The following AKAP9 variants were observed in gnomAD, a reference collection of about 807,000 sequenced individuals.
The protein encoded by AKAP9 is A-kinase anchor protein 9.
AKAP9 carries 311 observed loss-of-function variants against 488.5 expected under a neutral mutation model. The observed-to-expected ratio is 0.64, with a 90% confidence interval of 0.58 to 0.70. The LOEUF (loss-of-function observed/expected upper bound fraction) is 0.70, where lower values mean the gene tolerates loss of function less well. AKAP9 is among the 30% of genes least tolerant of loss of function. AKAP9 has a pLI of 0.00. For synonymous variants in AKAP9, 1,462 were observed against 1,483.5 expected (o/e 0.99, Z 0.33); for missense variants, 4,215 against 4,374.5 (o/e 0.96, Z 1.03).
At chr7:92,051,402 A>C (rs975298565) in intron 21 of AKAP9, among the ~76,000 whole-genome samples, 3 of 152,216 alleles carry the variant, frequency 2.0e-5, no homozygotes, top group Non-Finnish European at 2.9e-5. Flanking sequence ...TAATATAAAT[A>C]AGTACCAGTG....
intron 28 of AKAP9, among the ~76,000 whole-genome samples, chr7:92,075,090 TAAAAAAA>T (rs113217081): frequency 2.7e-5 from 4 of 150,764 alleles, no homozygotes; most frequent in Admixed American, 2.6e-4. Flanking sequence ...AGTCAAAAAT[TAAAAAAA>T]AAATAAAACA....
rs117942195 is a variant in AKAP9, at chr7:92,098,543, C to T, written c.10713+329C>T. ...ACTCCTACAGTGTCTAAACAATTGA[C>T]TAGTCTGGTGAATCTTTTCAGTTTA... On this transcript the variant is annotated intron_variant, in intron 43 of 49. Transcript: ENST00000356239. Among the ~76,000 whole-genome samples, 240 of 152,318 alleles carry T rather than the reference C, an allele frequency of 1.6e-3. 7 individuals carry two copies. In the East Asian group the frequency reaches 0.039, roughly 25 times the overall value.
At chr7:92,015,700 C>G (rs1365157280) in intron 10 of AKAP9, among the ~76,000 whole-genome samples, 1 of 152,058 alleles carries the variant, frequency 6.6e-6, no homozygotes, top group African/African-American at 2.4e-5. Context: ...GAATGTTACT[C>G]TTTTGCTTGA....
chr7:92,035,645 C>G (rs1584252383), intron 16 of AKAP9, among the ~76,000 whole-genome samples: 1 of 152,070 alleles, frequency 6.6e-6, no homozygotes, highest in East Asian at 1.9e-4. Flanking sequence ...GGCAGTCCAC[C>G]CAGTTAGGTT....
chr7:92,105,288 T>G (rs955422234), intron 46 of AKAP9, among the ~76,000 whole-genome samples: 4 of 152,068 alleles, frequency 2.6e-5, no homozygotes, highest in Admixed American at 2.0e-4. Flanking sequence ...AATTTAAGGG[T>G]CTTTTTGTTC....
intron 3 of AKAP9, among the ~76,000 whole-genome samples, chr7:91,989,442 A>G (rs973007582): frequency 2.0e-5 from 3 of 152,110 alleles, no homozygotes; most frequent in African/African-American, 7.2e-5. Flanking sequence ...GGGACGTTTC[A>G]TGTCCAGAAT....
intron 44 of AKAP9, chr7:92,100,094 A>G (rs768082957): frequency 6.6e-6 from 3 of 452,190 alleles, no homozygotes; most frequent in African/African-American, 2.0e-5. Flanking sequence ...GGTTGTATAC[A>G]TACAGAATCT....
chr7:91,957,855 T>C lies in AKAP9; in HGVS notation c.49-15856T>C, dbSNP rs537313968. On this transcript the variant is annotated intron_variant, in intron 1 of 49. Transcript: ENST00000356239. Reference sequence around the variant, plus strand: ...AAGAATGAAATTATTTCATGCTTAATTACCCTCCTTATTTTGTTTCCATAA... The same window carrying C: ...AAGAATGAAATTATTTCATGCTTAACTACCCTCCTTATTTTGTTTCCATAA... Among the ~76,000 whole-genome samples the C allele has an allele frequency of 2.2e-3, 333 of 152,340 alleles. 1 individual carries two copies. The highest frequency in any genetic ancestry group is 3.9e-3 in the Non-Finnish European group (265 of 68,026).
At chr7:92,109,334 T>C (rs1819011828) in intron 49 of AKAP9, among the ~76,000 whole-genome samples, 1 of 152,234 alleles carries the variant, frequency 6.6e-6, no homozygotes. Flanking sequence ...TCAGAGACTT[T>C]GAATCATTGA....
rs1800888002 is a variant in AKAP9, at chr7:92,012,470, C to G, written c.3360C>G (p.Leu1120=). The change falls in exon 9 of 50, where the codon CTC becomes CTG. Residue 1120 remains leucine, a synonymous_variant. Transcript: ENST00000356239. ...RLQMEAQRIC[L]SLVYSTHVDQ... Reference sequence around the variant, plus strand: ...AGATGGAAGCCCAACGCATTTGCCTCTCTCTGGTTTATTCAACTCATGTGG... The same window carrying G: ...AGATGGAAGCCCAACGCATTTGCCTGTCTCTGGTTTATTCAACTCATGTGG... 4 of 1,614,082 alleles carry G rather than the reference C, an allele frequency of 2.5e-6. No individual in the cohort carries two copies. In the East Asian group the frequency reaches 8.9e-5, roughly 36 times the overall value.
Position 92,001,554 on chromosome 7 carries a change from G to C in AKAP9, c.1637G>C (p.Arg546Thr). Residue 546 changes from arginine to threonine, a missense_variant, in exon 8 of 50, where the codon AGA (arginine) becomes ACA (threonine). This residue lies in a region of AKAP9 where 2,361 missense variants were observed against 2,430.0 expected (regional missense o/e 0.97). Transcript: ENST00000356239. ...AGCTTTTCAAGGGAACAGATTCAGA[G>C]AGCTAGACAGACAATAGCTGAACAA... is the stretch of plus-strand genomic sequence containing the variant. Reference protein sequence around the residue: ...ELSFSREQIQRARQTIAEQES... With the variant: ...ELSFSREQIQTARQTIAEQES... 5.6e-6 allele frequency: 9 copies of C among 1,613,862 alleles called. No homozygotes were observed. Among genetic ancestry groups the C allele is most frequent in the Non-Finnish European group, 7.6e-6 (9 of 1,179,866 alleles).
chr7:91,996,154 G>A, intron 7 of AKAP9: 1 of 267,286 alleles, frequency 3.7e-6, no homozygotes, highest in African/African-American at 2.2e-5. Context: ...ATTTTAATGA[G>A]AAAAAAATTG....
In AKAP9 at chr7:92,001,823, G is replaced by T; in HGVS notation, c.1906G>T (p.Glu636Ter). 1 of 1,613,424 alleles carries T rather than the reference G, an allele frequency of 6.2e-7. No homozygotes were observed. Among genetic ancestry groups the T allele is most frequent in the South Asian group, 1.1e-5 (1 of 91,022 alleles). The stretch of plus-strand genomic sequence containing the variant: ...ACAGCTTCTATTTAGTCACGAAGAA[G>T]AGCTTTCCAAACTGAAGGAAGATTT... ...RTQLLFSHEE[E>*]LSKLKEDLEI... Residue 636 changes from glutamate (E) to a stop codon, truncating the protein, a stop_gained, in exon 8 of 50, where the codon GAG becomes TAG. Coordinates refer to ENST00000356239, the MANE Select transcript of AKAP9 (RefSeq NM_005751.5). LOFTEE classifies it high-confidence loss of function.
chr7:91,980,495 C>CTTTTTTTTTTATTTT (rs1796259517), intron 3 of AKAP9, among the ~76,000 whole-genome samples, 162 bp downstream of exon 3: 1 of 48,756 alleles, frequency 2.1e-5, no homozygotes, highest in East Asian at 7.1e-4. Context: ...GTATTACTGA[C>CTTTTTTTTTTATTTT]TTTTTTTTTT....
chr7:91,963,136 A>G (rs201173207), intron 1 of AKAP9, among the ~76,000 whole-genome samples: 1 of 152,154 alleles, frequency 6.6e-6, no homozygotes, highest in African/African-American at 2.4e-5. Flanking sequence ...CCATTTACAG[A>G]TAATATATTT....
intron 1 of AKAP9, among the ~76,000 whole-genome samples, chr7:91,972,927 T>C (rs1408244250): frequency 6.6e-6 from 1 of 152,218 alleles, no homozygotes; most frequent in Non-Finnish European, 1.5e-5. Context: ...CCATTATGAA[T>C]AAGGCTGCAG....
intron 1 of AKAP9, among the ~76,000 whole-genome samples, chr7:91,951,117 G>A (rs796282430): frequency 3.3e-5 from 5 of 151,724 alleles, no homozygotes; most frequent in African/African-American, 1.2e-4. Context: ...TTTTAGTTGA[G>A]AAGAATGCGT....
intron 37 of AKAP9, among the ~76,000 whole-genome samples, chr7:92,087,744 G>A (rs866456699): frequency 7.9e-5 from 12 of 151,890 alleles, no homozygotes; most frequent in African/African-American, 2.2e-4. Context: ...GGAACATGTC[G>A]AAAGGTCATA....
chr7:91,944,752 T>C (rs1483112789), intron 1 of AKAP9, among the ~76,000 whole-genome samples: 1 of 152,234 alleles, frequency 6.6e-6, no homozygotes, highest in East Asian at 1.9e-4. Flanking sequence ...CATGTTATAG[T>C]GTATGACCAT....
Sources: gnomAD v4.1 joint callset for allele counts (sites outside exome capture counted in the v4.1 genomes callset) on GRCh38, gnomAD v4.1.1 for gene constraint, gnomAD v4.1.1 regional missense constraint, MANE v1.5 for transcripts, NCBI Gene and HGNC (gene_info 2026-07-23, HGNC 2026-07-21) for gene names.